TOP1: variants seen among roughly 807,000 people sequenced by gnomAD.
TOP1 encodes DNA topoisomerase I, also known as DNA topoisomerase 1.
A neutral mutation model predicts 111.1 loss-of-function variants in TOP1; 10 were observed. That is an observed-to-expected ratio of 0.09 (90% confidence interval 0.06 to 0.15). The LOEUF is 0.15. Among genes scored for constraint, TOP1 ranks in the 10% least tolerant of loss-of-function variants. The probability of loss-of-function intolerance (pLI) is 1.00; values close to 1 mark genes in which losing one functional copy is unlikely to be tolerated. For missense variants in TOP1, 474 were observed against 926.7 expected (o/e 0.51, Z 6.34); for synonymous variants, 271 against 302.9 (o/e 0.89, Z 1.10).
chr20:41,112,949 T>C lies in TOP1; in HGVS notation c.1452+24T>C, dbSNP rs1478754278. On this transcript the variant is annotated intron_variant, in intron 14 of 20. Coordinates refer to ENST00000361337, the MANE Select transcript of TOP1 (RefSeq NM_003286.4). This position sits in a 1 kb window ranked among gnomAD's most constrained non-coding sequence, Gnocchi z 5.8. ...AGGTGAGAGCATCTTCCCATCGGCA[T>C]TGTCTAGTGTTGAGCTTAACAAAGG... 11 of 1,609,476 alleles carry C rather than the reference T, an allele frequency of 6.8e-6. No homozygotes were observed. Among genetic ancestry groups the C allele is most frequent in the Non-Finnish European group, 9.3e-6 (11 of 1,177,206 alleles).
chr20:41,100,591 A>G lies in TOP1; in HGVS notation c.1163+348A>G, dbSNP rs79409749. The stretch of plus-strand genomic sequence containing the variant: ...TATAACTTTTGCAGTCTGAGGCACA[A>G]CAGCAAAACTAGCACGACTTTCTTT... On this transcript the variant is annotated intron_variant, in intron 12 of 20. Coordinates refer to ENST00000361337, the MANE Select transcript of TOP1 (RefSeq NM_003286.4). The surrounding 1 kb of genome is among the most constrained non-coding windows in gnomAD (Gnocchi z 4.4). 2.6e-3 allele frequency: 523 copies of G among 199,376 alleles called. 2 individuals are homozygous for G. Among genetic ancestry groups the G allele is most frequent in the African/African-American group, 0.011 (483 of 43,474 alleles). The allele number at this position is 199,376 out of a possible 1,614,324, so 12.4% of individuals were successfully genotyped here.
intron 3 of TOP1, among the ~76,000 whole-genome samples, chr20:41,064,170 CT>C (rs1225746772): frequency 6.6e-6 from 1 of 152,088 alleles, no homozygotes; most frequent in African/African-American, 2.4e-5. Context: ...AATAGGGAGT[CT>C]TTTCCCCATT....
In TOP1 at chr20:41,116,861, C is replaced by CT. The variant is rs918330770; in HGVS notation, c.1822+478dup. Among the ~76,000 whole-genome samples, 4 of 151,002 alleles carry CT rather than the reference C, an allele frequency of 2.6e-5. No individual in the cohort carries two copies. Among genetic ancestry groups the CT allele is most frequent in the Non-Finnish European group, 4.4e-5 (3 of 67,700 alleles). On this transcript the variant is annotated intron_variant, in intron 17 of 20. Coordinates refer to ENST00000361337, the MANE Select transcript of TOP1 (RefSeq NM_003286.4). This position sits in a 1 kb window ranked among gnomAD's most constrained non-coding sequence, Gnocchi z 5.6. ...GAATATTATCACCAAGATCCACGGG[C>CT]TTTTTTTTTCCTGGAGCCCAGTCAC... is the stretch of plus-strand genomic sequence containing the variant.
chr20:41,075,651 G>A (rs1036630281), intron 3 of TOP1, among the ~76,000 whole-genome samples: 1 of 152,094 alleles, frequency 6.6e-6, no homozygotes, highest in African/African-American at 2.4e-5. Flanking sequence ...TTTTCTTATT[G>A]TGAGGAAAGG....
chr20:41,079,274 G>A lies in TOP1; in HGVS notation c.336-811G>A, dbSNP rs997008635. On this transcript the variant is annotated intron_variant, in intron 5 of 20. Coordinates refer to ENST00000361337, the MANE Select transcript of TOP1 (RefSeq NM_003286.4). The surrounding 1 kb of genome is among the most constrained non-coding windows in gnomAD (Gnocchi z 4.0). ...CCATTTCTTGTACTAAGTTAAGGCAGTGAGGTTCTGAAGAGATGTGCCAGG... is the reference window on the plus strand; with the variant it reads ...CCATTTCTTGTACTAAGTTAAGGCAATGAGGTTCTGAAGAGATGTGCCAGG... Among the ~76,000 whole-genome samples, 1 of 152,198 alleles carries A rather than the reference G, an allele frequency of 6.6e-6. No individual in the cohort carries two copies. Among genetic ancestry groups the A allele is most frequent in the African/African-American group, 2.4e-5 (1 of 41,440 alleles).
Position 41,032,326 on chromosome 20 carries a change from A to T in TOP1, c.58+2871A>T, listed in dbSNP as rs2033130906. On this transcript the variant is annotated intron_variant, in intron 2 of 20. Coordinates refer to ENST00000361337, the MANE Select transcript of TOP1 (RefSeq NM_003286.4). This position sits in a 1 kb window ranked among gnomAD's most constrained non-coding sequence, Gnocchi z 4.3. ...TGTAATTTAGAACATTCTGACCCAT[A>T]CTCAACTGCTGGGAGACTCTGTTAT... Among the ~76,000 whole-genome samples the T allele has an allele frequency of 6.6e-6, 1 of 151,950 alleles. No homozygotes were observed. The highest frequency in any genetic ancestry group is 1.5e-5 in the Non-Finnish European group (1 of 68,008).
At position 41,102,079 on chromosome 20, in the gene TOP1, A is replaced by G. The variant is rs2034072075; in HGVS notation, c.1308+726A>G. ...ACAGAGACAAAAACACAGTCAAGGA[A>G]TTAGTTCTATGTAGACTGTTAACTG... is the stretch of plus-strand genomic sequence containing the variant. On this transcript the variant is annotated intron_variant, in intron 13 of 20. Coordinates refer to ENST00000361337, the MANE Select transcript of TOP1 (RefSeq NM_003286.4). The surrounding 1 kb of genome is among the most constrained non-coding windows in gnomAD (Gnocchi z 4.0). 6.6e-6 allele frequency among the ~76,000 whole-genome samples: 1 copy of G among 152,216 alleles called. No homozygotes were observed. Among genetic ancestry groups the G allele is most frequent in the African/African-American group, 2.4e-5 (1 of 41,472 alleles).
At chr20:41,044,135 G>A (rs1337795545) in intron 2 of TOP1, among the ~76,000 whole-genome samples, 1 of 152,134 alleles carries the variant, frequency 6.6e-6, no homozygotes, top group East Asian at 1.9e-4. Flanking sequence ...AATTAGCCAG[G>A]CGTGGTGGCA....
chr20:41,077,676 G>A (rs764399528), intron 5 of TOP1, 39 bp downstream of exon 5: 4 of 1,586,288 alleles, frequency 2.5e-6, no homozygotes, highest in Middle Eastern at 1.7e-4. Context: ...CTTTCTCTGG[G>A]TGGACAGCAG....
intron 2 of TOP1, among the ~76,000 whole-genome samples, chr20:41,031,670 C>A (rs1389105384): frequency 6.6e-6 from 1 of 152,172 alleles, no homozygotes; most frequent in Non-Finnish European, 1.5e-5. Context: ...CCTGTTATTT[C>A]TGTTTTGTAG....
In TOP1 at chr20:41,121,573, T is replaced by G; in HGVS notation, c.1951-123T>G. ...CTGCCTTCATGAAGCCACCCTTGTT[T>G]TTTTTTATCTGACAAACCACTGACA... On this transcript the variant is annotated intron_variant, in intron 18 of 20. Transcript: ENST00000361337. This position sits in a 1 kb window ranked among gnomAD's most constrained non-coding sequence, Gnocchi z 4.2. 1.3e-6 allele frequency: 1 copy of G among 762,176 alleles called. No individual in the cohort carries two copies. Among genetic ancestry groups the G allele is most frequent in the South Asian group, 1.5e-5 (1 of 64,882 alleles). 47.2% of individuals were successfully genotyped at this position (762,176 alleles called of 1,614,324 possible).
chr20:41,054,200 G>A (rs976337941), intron 2 of TOP1, among the ~76,000 whole-genome samples: 4 of 152,146 alleles, frequency 2.6e-5, no homozygotes, highest in Admixed American at 6.5e-5. Flanking sequence ...GGAGGGACCC[G>A]GTGGGAGGTG....
Position 41,097,465 on chromosome 20 carries a change from T to A in TOP1, c.852+124T>A. 2.0e-6 allele frequency: 2 copies of A among 988,146 alleles called. No individual in the cohort carries two copies. The highest frequency in any genetic ancestry group is 2.9e-6 in the Non-Finnish European group (2 of 684,686). The allele number at this position is 988,146 out of a possible 1,614,324, so 61.2% of individuals were successfully genotyped here. ...TGAGTTGTATGGATTTTGTTGTATT[T>A]AAACTTGCGTATTTTTTGTCTTCAT... On this transcript the variant is annotated intron_variant, in intron 10 of 20. Transcript: ENST00000361337. The surrounding 1 kb of genome is among the most constrained non-coding windows in gnomAD (Gnocchi z 4.2).
rs2033971678 is a variant in TOP1 at position 41,095,560 on chromosome 20, C to T, written c.731-1660C>T. On this transcript the variant is annotated intron_variant, in intron 9 of 20. Coordinates refer to ENST00000361337, the MANE Select transcript of TOP1 (RefSeq NM_003286.4). This position sits in a 1 kb window ranked among gnomAD's most constrained non-coding sequence, Gnocchi z 4.6. ...TGGGGGTTGATGGGGGCAGCTGCGC[C>T]ACCTGTTGGCCTTTTAAGTTAATGG... Among the ~76,000 whole-genome samples the T allele has an allele frequency of 1.3e-5, 2 of 152,142 alleles. No homozygotes were observed. Among genetic ancestry groups the T allele is most frequent in the Admixed American group, 6.5e-5 (1 of 15,278 alleles).
chr20:41,029,512 G>A lies in TOP1; in HGVS notation c.58+57G>A. 1 of 1,428,360 alleles carries A rather than the reference G, an allele frequency of 7.0e-7. No individual in the cohort carries two copies. Among genetic ancestry groups the A allele is most frequent in the African/African-American group, 1.4e-5 (1 of 69,452 alleles). 88.5% of individuals were successfully genotyped at this position (1,428,360 alleles called of 1,614,324 possible). ...CCCCCAGCCGCCGGCCGCCTCCCCCGCGCCCTGCCGGTGCCGGGCAGAGGA... is the reference window on the plus strand; with the variant it reads ...CCCCCAGCCGCCGGCCGCCTCCCCCACGCCCTGCCGGTGCCGGGCAGAGGA... On this transcript the variant is annotated intron_variant, in intron 2 of 20. Transcript: ENST00000361337. The surrounding 1 kb of genome is among the most constrained non-coding windows in gnomAD (Gnocchi z 6.1).
intron 2 of TOP1, among the ~76,000 whole-genome samples, chr20:41,040,521 C>T (rs1300223757): frequency 1.3e-5 from 2 of 152,166 alleles, no homozygotes; most frequent in African/African-American, 2.4e-5. Context: ...TTTATAACTA[C>T]TGGCTTGTTA....
At chr20:41,065,874 G>T (rs893180340) in intron 3 of TOP1, among the ~76,000 whole-genome samples, 1 of 151,950 alleles carries the variant, frequency 6.6e-6, no homozygotes, top group Admixed American at 6.6e-5. Flanking sequence ...TTCATTCTCC[G>T]GGGTGTATAC....
intron 3 of TOP1, among the ~76,000 whole-genome samples, chr20:41,070,700 C>G (rs2033659878): frequency 6.6e-6 from 1 of 152,242 alleles, no homozygotes; most frequent in Admixed American, 6.5e-5. Context: ...CAGAGGTCTG[C>G]TGCCTTGAGG....
intron 4 of TOP1, 75 bp from the exon 5 acceptor site, chr20:41,077,507 C>G (rs1600575139): frequency 8.4e-7 from 1 of 1,184,544 alleles, no homozygotes; most frequent in East Asian, 2.3e-5. Context: ...GGAACTGATG[C>G]TACATATTCT....
Sources: allele counts gnomAD v4.1 joint callset (sites outside exome capture counted in the v4.1 genomes callset), GRCh38; gene constraint gnomAD v4.1.1; non-coding constraint Gnocchi (gnomAD v3.1); transcripts MANE v1.5; gene names NCBI Gene and HGNC (gene_info 2026-07-23, HGNC 2026-07-21).